Variants in PDGFC observed in about 807,000 individuals in gnomAD.
PDGFC encodes the protein platelet derived growth factor C, also known as platelet-derived growth factor C.
PDGFC carries 12 observed loss-of-function variants against 35.5 expected under a neutral mutation model. That is an observed-to-expected ratio of 0.34 (90% CI 0.22 to 0.55). PDGFC has a LOEUF of 0.55. PDGFC is among the 20% of genes least tolerant of loss of function. The pLI is 0.91. For missense variants in PDGFC, 322 were observed against 412.4 expected (o/e 0.78, Z 1.90); for synonymous variants, 159 against 148.8 (o/e 1.07, Z -0.50).
chr4:156,875,456 G>A (rs1403337578), intron 1 of PDGFC, among the ~76,000 whole-genome samples: 4 of 152,166 alleles, frequency 2.6e-5, no homozygotes, highest in Non-Finnish European at 5.9e-5. Flanking sequence ...GCCATTAGAA[G>A]AAAGTCCACA....
chr4:156,923,351 G>A (rs1467630662), intron 1 of PDGFC, among the ~76,000 whole-genome samples: 1 of 152,156 alleles, frequency 6.6e-6, no homozygotes, highest in Non-Finnish European at 1.5e-5. Context: ...TCCAGCCTTT[G>A]AGCCTTAAGA....
intron 1 of PDGFC, among the ~76,000 whole-genome samples, chr4:156,909,018 T>C (rs1730981273): frequency 6.6e-6 from 1 of 152,182 alleles, no homozygotes; most frequent in Non-Finnish European, 1.5e-5. Context: ...TTGTAAAACG[T>C]ACAGAATAGG....
In PDGFC at chr4:156,925,729, G is replaced by A. The variant is rs114068952; in HGVS notation, c.118+45057C>T. ...AAGAGATTGGCTGTAGTGTCCTAGA[G>A]GCAGTATTATTCTAAAAAAAAAAAA... is the stretch of plus-strand genomic sequence containing the variant. On this transcript the variant is annotated intron_variant, in intron 1 of 5. Transcript: ENST00000502773. Among the ~76,000 whole-genome samples, 1,362 of 144,746 alleles carry A rather than the reference G, an allele frequency of 9.4e-3. 29 individuals carry two copies. The highest frequency in any genetic ancestry group is 0.032 in the African/African-American group (1,291 of 40,080). 95.0% of individuals were successfully genotyped at this position (144,746 alleles called of 152,430 possible). A position where few individuals can be genotyped will look rare whatever the true frequency, so the allele number is the denominator to read the frequency against.
chr4:156,808,803 G>A (rs915117927), intron 3 of PDGFC, among the ~76,000 whole-genome samples: 1 of 152,044 alleles, frequency 6.6e-6, no homozygotes, highest in Non-Finnish European at 1.5e-5. Context: ...TAGAATGAAT[G>A]TGGCTGTAAG....
At chr4:156,950,716 A>G (rs577033474) in intron 1 of PDGFC, among the ~76,000 whole-genome samples, 2 of 151,932 alleles carry the variant, frequency 1.3e-5, no homozygotes, top group African/African-American at 4.8e-5. Context: ...AAGCAGTGTT[A>G]AATCAGAAAA....
At chr4:156,816,804 A>G (rs1461303568) in intron 2 of PDGFC, among the ~76,000 whole-genome samples, 1 of 152,322 alleles carries the variant, frequency 6.6e-6, no homozygotes, top group South Asian at 2.1e-4. Context: ...AACTGCAGAG[A>G]ATTTCTGTAT....
chr4:156,809,701 C>G (rs997369874), intron 3 of PDGFC, among the ~76,000 whole-genome samples: 1 of 128,248 alleles, frequency 7.8e-6, no homozygotes, highest in Non-Finnish European at 1.5e-5. Context: ...TCTATGTAGT[C>G]ACAAAATCAG....
intron 3 of PDGFC, among the ~76,000 whole-genome samples, chr4:156,790,643 T>C (rs1196728969): frequency 6.6e-6 from 1 of 152,248 alleles, no homozygotes; most frequent in East Asian, 1.9e-4. Context: ...TTGCAAATTC[T>C]ATCCATCCCA....
intron 2 of PDGFC, among the ~76,000 whole-genome samples, chr4:156,837,240 G>A (rs1047880560): frequency 1.3e-5 from 2 of 152,104 alleles, no homozygotes; most frequent in East Asian, 1.9e-4. Flanking sequence ...TAGGCTAGGC[G>A]TGGTGGCACA....
chr4:156,860,497 A>T (rs931531078), intron 1 of PDGFC, among the ~76,000 whole-genome samples: 2 of 152,132 alleles, frequency 1.3e-5, no homozygotes, highest in Admixed American at 1.3e-4. Flanking sequence ...TATCCCTCTA[A>T]AAGAAATGTA....
At chr4:156,899,219 C>A (rs1171116063) in intron 1 of PDGFC, among the ~76,000 whole-genome samples, 1 of 152,162 alleles carries the variant, frequency 6.6e-6, no homozygotes, top group African/African-American at 2.4e-5. Flanking sequence ...CAGTACTATA[C>A]TGAATCCACA....
chr4:156,835,457 C>A (rs1263341352), intron 2 of PDGFC, among the ~76,000 whole-genome samples: 1 of 152,030 alleles, frequency 6.6e-6, no homozygotes, highest in African/African-American at 2.4e-5. Context: ...CTTTTATAAA[C>A]ATTATATGCT....
chr4:156,845,159 G>A (rs1458579069), intron 2 of PDGFC, among the ~76,000 whole-genome samples: 2 of 151,626 alleles, frequency 1.3e-5, no homozygotes, highest in South Asian at 2.1e-4. Context: ...TTTAAAAGAA[G>A]AGAACAATAG....
intron 1 of PDGFC, among the ~76,000 whole-genome samples, chr4:156,862,786 C>T (rs1301094198): frequency 1.3e-5 from 2 of 151,528 alleles, no homozygotes; most frequent in Non-Finnish European, 2.9e-5. Flanking sequence ...CCTCTGCTGC[C>T]TGGGTTCAAG....
At chr4:156,793,711 A>T (rs2110889531) in intron 3 of PDGFC, among the ~76,000 whole-genome samples, 1 of 152,014 alleles carries the variant, frequency 6.6e-6, no homozygotes, top group Non-Finnish European at 1.5e-5. Context: ...ACCTGACCTT[A>T]AAACAAAGGT....
At chr4:156,848,164 T>C (rs958217546) in intron 2 of PDGFC, among the ~76,000 whole-genome samples, 2 of 151,840 alleles carry the variant, frequency 1.3e-5, no homozygotes, top group African/African-American at 2.4e-5. Flanking sequence ...ATAATAAATA[T>C]AAAAATTTCT....
At chr4:156,903,462 T>A (rs1047139036) in intron 1 of PDGFC, among the ~76,000 whole-genome samples, 1 of 152,014 alleles carries the variant, frequency 6.6e-6, no homozygotes, top group African/African-American at 2.4e-5. Context: ...CTTCTCCCCA[T>A]CTAGACATAT....
chr4:156,863,127 A>C (rs1729757198), intron 1 of PDGFC, among the ~76,000 whole-genome samples: 1 of 152,228 alleles, frequency 6.6e-6, no homozygotes, highest in African/African-American at 2.4e-5. Flanking sequence ...AAACAGAATT[A>C]GTTGTCACAA....
At position 156,760,543 on chromosome 4, in the gene PDGFC, C is replaced by G. The variant is rs1236942559; in HGVS notation, c.*2547G>C. 4 of 152,156 alleles carry G rather than the reference C, an allele frequency of 2.6e-5. No homozygotes were observed. Among genetic ancestry groups the G allele is most frequent in the Admixed American group, 6.5e-5 (1 of 15,280 alleles). 9.4% of individuals were successfully genotyped at this position (152,156 alleles called of 1,614,324 possible). Reference sequence around the variant, plus strand: ...ACAAAGGCTTGAAACAGATATCATACACAAAACGGTGTGTGGTCAATACAG... The same window carrying G: ...ACAAAGGCTTGAAACAGATATCATAGACAAAACGGTGTGTGGTCAATACAG... On this transcript the variant is annotated 3_prime_UTR_variant, in exon 6 of 6. Coordinates refer to ENST00000502773, the MANE Select transcript of PDGFC (RefSeq NM_016205.3).
Sources: allele counts gnomAD v4.1 joint callset (sites outside exome capture counted in the v4.1 genomes callset), GRCh38; gene constraint gnomAD v4.1.1; transcripts MANE v1.5; gene names NCBI Gene and HGNC (gene_info 2026-07-23, HGNC 2026-07-21).